DOCK1: variants seen among roughly 807,000 people sequenced by gnomAD.
The protein encoded by DOCK1 is dedicator of cytokinesis 1.
DOCK1 carries 138 observed loss-of-function variants against 262.7 expected under a neutral mutation model. The ratio of observed to expected loss-of-function variants is 0.53; its 90% confidence interval spans 0.46 to 0.61. The LOEUF (loss-of-function observed/expected upper bound fraction) is 0.61, where lower values mean the gene tolerates loss of function less well. DOCK1 is among the 20% of genes least tolerant of loss of function. The pLI is 0.00. For synonymous variants in DOCK1, 866 were observed against 867.4 expected, an observed-to-expected ratio of 1.00 and a Z score of 0.03; for missense variants, 1,908 against 2,370.7, an observed-to-expected ratio of 0.80 and a Z score of 4.05.
intron 51 of DOCK1, among the ~76,000 whole-genome samples, chr10:127,449,421 G>A (rs1408756240): frequency 4.6e-5 from 7 of 152,110 alleles, no homozygotes; most frequent in Non-Finnish European, 8.8e-5. Flanking sequence ...AATCAACTCC[G>A]GGGTAACATT....
chr10:127,401,922 A>T (rs1333224770), intron 38 of DOCK1, among the ~76,000 whole-genome samples: 1 of 152,134 alleles, frequency 6.6e-6, no homozygotes, highest in African/African-American at 2.4e-5. Flanking sequence ...GCTCAGTGCC[A>T]AGGGTAGTCT....
intron 1 of DOCK1, among the ~76,000 whole-genome samples, chr10:126,952,886 GTAT>G (rs2036417030): frequency 1.0e-4 from 15 of 145,626 alleles, no homozygotes; most frequent in Non-Finnish European, 1.4e-4. Flanking sequence ...ATTGTTGGTA[GTAT>G]TGTAGGTGAT....
chr10:127,336,694 C>A (rs920485486), intron 29 of DOCK1, among the ~76,000 whole-genome samples: 2 of 152,116 alleles, frequency 1.3e-5, no homozygotes, highest in Non-Finnish European at 2.9e-5. Flanking sequence ...TGCCCGCCAC[C>A]ACACCCAGCT....
Position 126,963,628 on chromosome 10 carries a change from CCCTTCCCTT to C in DOCK1, c.47-7071_47-7063del, listed in dbSNP as rs1591465443. ...CCCTTCCCTTCCCTTCCCTTCCCTTCCCTTCCCTTCCCTCCTTCCTTCCTTCCTTCCTTC... is the reference window on the plus strand; with the variant it reads ...CCCTTCCCTTCCCTTCCCTTCCCTTCCCCTCCTTCCTTCCTTCCTTCCTTC... On this transcript the variant is annotated intron_variant, in intron 1 of 51. Transcript: ENST00000623213. Among the ~76,000 whole-genome samples, 114 of 62,542 alleles carry C rather than the reference CCCTTCCCTT, an allele frequency of 1.8e-3. 1 individual carries two copies. Among genetic ancestry groups the C allele is most frequent in the African/African-American group, 7.5e-3 (76 of 10,156 alleles). The allele number at this position is 62,542 out of a possible 152,430, so 41.0% of individuals were successfully genotyped here. A position where few individuals can be genotyped will look rare whatever the true frequency, so the allele number is the denominator to read the frequency against.
At chr10:127,298,553 A>G (rs12771826) in intron 29 of DOCK1, among the ~76,000 whole-genome samples, 22,871 of 152,168 alleles carry the variant, frequency 0.15, 1,988 homozygotes, top group African/African-American at 0.23. Flanking sequence ...ATTTCCCCAC[A>G]GCATTTCTCT....
intron 4 of DOCK1, 97 bp downstream of exon 4, chr10:126,982,070 A>G (rs2039023714): frequency 1.5e-6 from 2 of 1,317,562 alleles, no homozygotes; most frequent in African/African-American, 1.5e-5. Flanking sequence ...GGGTCAAGAC[A>G]ATGGGTGTGA....
At chr10:127,387,815 A>C (rs1450747977) in intron 38 of DOCK1, among the ~76,000 whole-genome samples, 2 of 152,060 alleles carry the variant, frequency 1.3e-5, no homozygotes, top group African/African-American at 4.8e-5. Flanking sequence ...CATGTATGGC[A>C]GGACAGGTGG....
At chr10:127,295,690 A>G (rs1214170013) in intron 29 of DOCK1, among the ~76,000 whole-genome samples, 1 of 152,096 alleles carries the variant, frequency 6.6e-6, no homozygotes, top group Non-Finnish European at 1.5e-5. Flanking sequence ...CGATAAAAAA[A>G]AAAAAAGAAC....
intron 29 of DOCK1, among the ~76,000 whole-genome samples, chr10:127,326,502 T>A (rs562779556): frequency 1.3e-5 from 2 of 152,328 alleles, no homozygotes; most frequent in African/African-American, 4.8e-5. Flanking sequence ...TTGCAGCAAT[T>A]CAGTCACATC....
At chr10:127,325,374 G>A (rs1422045636) in intron 29 of DOCK1, among the ~76,000 whole-genome samples, 1 of 152,186 alleles carries the variant, frequency 6.6e-6, no homozygotes, top group East Asian at 1.9e-4. Flanking sequence ...TGCTAACTGT[G>A]TGTCAGGAAC....
chr10:127,216,758 C>T (rs1033625750), intron 27 of DOCK1, among the ~76,000 whole-genome samples: 2 of 152,162 alleles, frequency 1.3e-5, no homozygotes, highest in African/African-American at 4.8e-5. Context: ...TGCCTTGTCT[C>T]ATGACTTTTC....
In DOCK1 at chr10:127,102,661, G is replaced by A. The variant is rs547047474; in HGVS notation, c.2446-3570G>A. Reference sequence around the variant, plus strand: ...TGTTGACCAGCCTGGCCAACATGGCGAAACCTCGTCTCTACTAAAAATACA... The same window carrying A: ...TGTTGACCAGCCTGGCCAACATGGCAAAACCTCGTCTCTACTAAAAATACA... On this transcript the variant is annotated intron_variant, in intron 23 of 51. Transcript: ENST00000623213. Among the ~76,000 whole-genome samples the A allele has an allele frequency of 7.2e-5, 11 of 152,272 alleles. No homozygotes were observed. In the South Asian group the frequency reaches 8.3e-4, roughly 11 times the overall value.
At chr10:127,262,511 C>T (rs893050535) in intron 29 of DOCK1, among the ~76,000 whole-genome samples, 6 of 152,064 alleles carry the variant, frequency 3.9e-5, no homozygotes, top group African/African-American at 4.8e-5. Context: ...TCCTTCTGCC[C>T]CCATATGCTG....
At chr10:127,106,946 A>G (rs967013276) in intron 24 of DOCK1, among the ~76,000 whole-genome samples, 1 of 151,980 alleles carries the variant, frequency 6.6e-6, no homozygotes, top group African/African-American at 2.4e-5. Flanking sequence ...AGCAAATGGG[A>G]TACACAGCCT....
chr10:127,332,567 G>C (rs1386756542), intron 29 of DOCK1, among the ~76,000 whole-genome samples: 2 of 152,018 alleles, frequency 1.3e-5, no homozygotes, highest in Non-Finnish European at 2.9e-5. Flanking sequence ...TCACGGTCTG[G>C]CCCAGTTGAT....
intron 1 of DOCK1, among the ~76,000 whole-genome samples, chr10:126,949,685 A>T (rs1265908863): frequency 3.3e-5 from 5 of 152,288 alleles, no homozygotes; most frequent in South Asian, 4.2e-4. Flanking sequence ...TGCAGGAAGG[A>T]TCTGGAGGGG....
chr10:127,095,462 T>C (rs2047851017), intron 23 of DOCK1, among the ~76,000 whole-genome samples: 1 of 152,212 alleles, frequency 6.6e-6, no homozygotes, highest in Non-Finnish European at 1.5e-5. Flanking sequence ...CTGACTACTG[T>C]TAGAGAAGGG....
intron 27 of DOCK1, among the ~76,000 whole-genome samples, chr10:127,169,025 T>C (rs1465119340): frequency 6.6e-6 from 1 of 152,206 alleles, no homozygotes; most frequent in Non-Finnish European, 1.5e-5. Flanking sequence ...ACAGCAAGTA[T>C]ATCATTTCTA....
chr10:127,113,371 T>C (rs1013095175), intron 25 of DOCK1, among the ~76,000 whole-genome samples: 1 of 152,054 alleles, frequency 6.6e-6, no homozygotes, highest in Non-Finnish European at 1.5e-5. Flanking sequence ...CTGGGTGAAG[T>C]GAGATTCCCA....
Sources: allele counts gnomAD v4.1 joint callset (sites outside exome capture counted in the v4.1 genomes callset), GRCh38; gene constraint gnomAD v4.1.1; transcripts MANE v1.5; gene names NCBI Gene and HGNC (gene_info 2026-07-23, HGNC 2026-07-21).